The following PTK2 variants were observed in gnomAD, a reference collection of about 807,000 sequenced individuals.
The protein encoded by PTK2 is focal adhesion kinase 1.
PTK2 carries 45 observed loss-of-function variants against 150.1 expected under a neutral mutation model. That is an observed-to-expected ratio of 0.30 (90% confidence interval 0.24 to 0.38). PTK2 has a LOEUF of 0.38. PTK2 is among the 10% of genes least tolerant of loss of function. PTK2 has a pLI of 1.00. For synonymous variants in PTK2, 432 were observed against 449.2 expected (o/e 0.96, Z 0.48); for missense variants, 919 against 1,307.3 (o/e 0.70, Z 4.58).
intron 2 of PTK2, among the ~76,000 whole-genome samples, chr8:140,907,099 A>G (rs1432648774): frequency 1.3e-5 from 2 of 152,200 alleles, no homozygotes; most frequent in Non-Finnish European, 2.9e-5. Context: ...TACCAAATGA[A>G]GAGGACGCAA....
intron 14 of PTK2, among the ~76,000 whole-genome samples, chr8:140,767,252 ATTTC>A (rs1311657132): frequency 1.3e-4 from 17 of 131,916 alleles, no homozygotes; most frequent in South Asian, 5.4e-4. Context: ...AAACCTGTAA[ATTTC>A]TTTCTTTTTT....
At chr8:140,893,252 C>G (rs1332165710) in intron 2 of PTK2, among the ~76,000 whole-genome samples, 1 of 152,138 alleles carries the variant, frequency 6.6e-6, no homozygotes, top group East Asian at 1.9e-4. Flanking sequence ...GTCGAGGCTG[C>G]AGTAGCTGTG....
chr8:140,673,517 C>G (rs1270568065), intron 29 of PTK2, among the ~76,000 whole-genome samples: 1 of 152,100 alleles, frequency 6.6e-6, no homozygotes, highest in Non-Finnish European at 1.5e-5. Flanking sequence ...AGGTATATGA[C>G]AATTGAGAAA....
intron 1 of PTK2, among the ~76,000 whole-genome samples, chr8:140,963,229 T>A (rs936036252): frequency 1.3e-5 from 2 of 152,184 alleles, no homozygotes; most frequent in African/African-American, 4.8e-5. Flanking sequence ...TTCCACGAGC[T>A]ATACTCTGTG....
At chr8:140,838,229 G>A (rs1332932950) in intron 7 of PTK2, among the ~76,000 whole-genome samples, 3 of 152,188 alleles carry the variant, frequency 2.0e-5, no homozygotes, top group Non-Finnish European at 2.9e-5. Flanking sequence ...TAAGAAACAA[G>A]CAGTATTCTG....
At chr8:140,731,120 G>C (rs556355609) in intron 22 of PTK2, among the ~76,000 whole-genome samples, 1 of 151,764 alleles carries the variant, frequency 6.6e-6, no homozygotes, top group Non-Finnish European at 1.5e-5. Flanking sequence ...CCACCACGCC[G>C]GGCTAATTTT....
chr8:140,738,791 G>T (rs2100054004), intron 21 of PTK2, among the ~76,000 whole-genome samples: 1 of 152,280 alleles, frequency 6.6e-6, no homozygotes, highest in East Asian at 1.9e-4. Context: ...GTGATGGAAG[G>T]AGCTGGGCAA....
At chr8:140,915,070 AG>A (rs2100164721) in intron 2 of PTK2, among the ~76,000 whole-genome samples, 1 of 147,386 alleles carries the variant, frequency 6.8e-6, no homozygotes, top group African/African-American at 2.5e-5. Context: ...ACTACGTCTT[AG>A]GCACTGGGAA....
At chr8:140,759,731 C>T (rs943917501) in intron 16 of PTK2, among the ~76,000 whole-genome samples, 21 of 151,792 alleles carry the variant, frequency 1.4e-4, no homozygotes, top group African/African-American at 3.9e-4. Flanking sequence ...TGGCACTTGC[C>T]TGTAGTCCTA....
At chr8:140,693,918 G>T (rs1334497409) in intron 26 of PTK2, among the ~76,000 whole-genome samples, 2 of 152,204 alleles carry the variant, frequency 1.3e-5, no homozygotes, top group African/African-American at 4.8e-5. Flanking sequence ...TTATCTAATA[G>T]GGTGCACAGC....
At chr8:140,874,248 G>C (rs2100144277) in intron 4 of PTK2, among the ~76,000 whole-genome samples, 1 of 152,216 alleles carries the variant, frequency 6.6e-6, no homozygotes, top group Non-Finnish European at 1.5e-5. Flanking sequence ...TGTTTGAAGA[G>C]TGAAGACCAA....
intron 29 of PTK2, 29 bp downstream of exon 32, chr8:140,674,269 G>A (rs1451485674): frequency 6.4e-7 from 1 of 1,561,900 alleles, no homozygotes. Flanking sequence ...CCTGCAAGCA[G>A]AAGGTGCTGC....
chr8:140,983,219 T>C (rs2100192111), intron 1 of PTK2, among the ~76,000 whole-genome samples: 1 of 151,844 alleles, frequency 6.6e-6, no homozygotes, highest in Non-Finnish European at 1.5e-5. Flanking sequence ...AAACCCTGTC[T>C]CTACTAAAAA....
intron 28 of PTK2, among the ~76,000 whole-genome samples, chr8:140,674,975 G>A (rs1388087135): frequency 6.6e-6 from 1 of 151,360 alleles, no homozygotes; most frequent in East Asian, 2.0e-4. Flanking sequence ...GGAGGCTGAG[G>A]CAGGAGAATT....
chr8:140,735,560 G>A, intron 21 of PTK2, 105 bp from the exon 25 acceptor site: 1 of 1,036,386 alleles, frequency 9.6e-7, no homozygotes, highest in Non-Finnish European at 1.5e-6. Flanking sequence ...CAGCTGGGAG[G>A]TAATGGGCAA....
intron 26 of PTK2, among the ~76,000 whole-genome samples, chr8:140,692,033 ATAAGG>A (rs1420336506): frequency 6.6e-6 from 1 of 152,240 alleles, no homozygotes; most frequent in Admixed American, 6.5e-5. Context: ...TGCCTATAGA[ATAAGG>A]TATTGTTTCA....
At chr8:140,739,694 C>T (rs1462502167) in intron 20 of PTK2, among the ~76,000 whole-genome samples, 1 of 152,044 alleles carries the variant, frequency 6.6e-6, no homozygotes, top group African/African-American at 2.4e-5. Flanking sequence ...AGTGACTTGC[C>T]CAAGGCTGCC....
chr8:141,002,048 GC>G (rs2060767945), upstream of PTK2: 3 of 152,284 alleles, frequency 2.0e-5, no homozygotes, highest in South Asian at 6.2e-4. Context: ...GGGAAGGCTC[GC>G]CCCGACACCG....
intron 26 of PTK2, among the ~76,000 whole-genome samples, chr8:140,688,150 T>A (rs1031543340): frequency 6.6e-6 from 1 of 152,146 alleles, no homozygotes; most frequent in Non-Finnish European, 1.5e-5. Flanking sequence ...TGAAACAGAA[T>A]AGACAGCCCT....
Sources: gnomAD v4.1 joint callset for allele counts (sites outside exome capture counted in the v4.1 genomes callset) on GRCh38, gnomAD v4.1.1 for gene constraint, MANE v1.5 for transcripts, NCBI Gene and HGNC (gene_info 2026-07-23, HGNC 2026-07-21) for gene names.